The following CDH12 variants were observed in gnomAD, a reference collection of about 807,000 sequenced individuals.
CDH12 encodes the protein cadherin-12.
In CDH12, 41 loss-of-function variants were observed where a neutral mutation model predicts 74.1. That is an observed-to-expected ratio of 0.55 (90% CI 0.43 to 0.72). CDH12 has a LOEUF of 0.72. CDH12 is among the 30% of genes least tolerant of loss of function. The probability of loss-of-function intolerance (pLI) is 0.00; values close to 1 mark genes in which losing one functional copy is unlikely to be tolerated. For missense variants in CDH12, 945 were observed against 977.2 expected (o/e 0.97, Z 0.44); for synonymous variants, 399 against 355.0 (o/e 1.12, Z -1.39).
chr5:22,289,319 A>G lies in CDH12; in HGVS notation c.-332-76676T>C, dbSNP rs1265302108. Among the ~76,000 whole-genome samples, 5 of 152,214 alleles carry G rather than the reference A, an allele frequency of 3.3e-5. No homozygotes were observed. In the East Asian group the frequency reaches 9.6e-4, roughly 29 times the overall value. ...TAAAGAAATACTGCCAATCCTGGAA[A>G]TTCTCATCTACAAACTGGAAATTGA... is the stretch of plus-strand genomic sequence containing the variant. On this transcript the variant is annotated intron_variant, in intron 3 of 14. Transcript: ENST00000382254.
chr5:22,640,273 C>A (rs1175791129), intron 1 of CDH12, among the ~76,000 whole-genome samples: 1 of 152,060 alleles, frequency 6.6e-6, no homozygotes, highest in Non-Finnish European at 1.5e-5. Context: ...ATGGTGAGAA[C>A]CAATGTGATA....
chr5:22,532,905 C>G (rs1345564767), intron 1 of CDH12, among the ~76,000 whole-genome samples: 2 of 151,382 alleles, frequency 1.3e-5, no homozygotes, highest in Non-Finnish European at 2.9e-5. Context: ...TTATTCCACT[C>G]AATAATAAAA....
At chr5:22,698,122 C>CTT (rs10677695) in intron 1 of CDH12, among the ~76,000 whole-genome samples, 1,677 of 91,104 alleles carry the variant, frequency 0.018, 111 homozygotes, top group African/African-American at 0.059. Context: ...AAAGGCAGGG[C>CTT]TTTTTTTTTT....
At chr5:22,525,845 G>A (rs1490673348) in intron 1 of CDH12, among the ~76,000 whole-genome samples, 1 of 152,150 alleles carries the variant, frequency 6.6e-6, no homozygotes, top group Non-Finnish European at 1.5e-5. Flanking sequence ...AACTACCTAT[G>A]TCAAGAACAG....
At chr5:22,629,561 A>G (rs921223478) in intron 1 of CDH12, among the ~76,000 whole-genome samples, 1 of 152,072 alleles carries the variant, frequency 6.6e-6, no homozygotes, top group Admixed American at 6.6e-5. Context: ...GATTCGACAT[A>G]CCTTCATGTT....
intron 3 of CDH12, among the ~76,000 whole-genome samples, chr5:22,253,042 T>C (rs1174922584): frequency 6.6e-6 from 1 of 152,020 alleles, no homozygotes; most frequent in Non-Finnish European, 1.5e-5. Context: ...TCAATATTTA[T>C]GTCTAGCATC....
chr5:21,935,076 G>A (rs766511809), intron 6 of CDH12, among the ~76,000 whole-genome samples: 3 of 152,058 alleles, frequency 2.0e-5, no homozygotes, highest in Non-Finnish European at 4.4e-5. Context: ...GTGAGCCAAC[G>A]TGCCCGGCCC....
chr5:22,289,886 CCA>C (rs1169624044), intron 3 of CDH12, among the ~76,000 whole-genome samples: 1 of 152,126 alleles, frequency 6.6e-6, no homozygotes, highest in Non-Finnish European at 1.5e-5. Flanking sequence ...CCAGGCAAGA[CCA>C]CAGAGTCCCA....
In CDH12 at chr5:21,901,103, C is replaced by G. The variant is rs749797893; in HGVS notation, c.527-46313G>C. 1.3e-5 allele frequency among the ~76,000 whole-genome samples: 2 copies of G among 152,116 alleles called. 1 individual carries two copies. The highest frequency in any genetic ancestry group is 4.1e-4 in the South Asian group (2 of 4,826). On this transcript the variant is annotated intron_variant, in intron 6 of 14. Transcript: ENST00000382254. Reference sequence around the variant, plus strand: ...ATATTTCTTCAGGGTTTTCTCTAAACCCTTAGTGAAGTGATACATTTTATA... The same window carrying G: ...ATATTTCTTCAGGGTTTTCTCTAAAGCCTTAGTGAAGTGATACATTTTATA...
chr5:22,590,133 T>C (rs567378242), intron 1 of CDH12, among the ~76,000 whole-genome samples: 1 of 152,290 alleles, frequency 6.6e-6, no homozygotes, highest in African/African-American at 2.4e-5. Context: ...AGACCCCTTT[T>C]GGATAATGTA....
At chr5:22,424,653 T>C (rs991297327) in intron 2 of CDH12, among the ~76,000 whole-genome samples, 8 of 152,346 alleles carry the variant, frequency 5.3e-5, no homozygotes, top group African/African-American at 1.4e-4. Context: ...CTTCACGGAC[T>C]CTTCAGTGTT....
intron 1 of CDH12, among the ~76,000 whole-genome samples, chr5:22,531,194 T>G (rs1298446268): frequency 6.6e-6 from 1 of 152,168 alleles, no homozygotes; most frequent in Non-Finnish European, 1.5e-5. Flanking sequence ...ACAATTTAAT[T>G]ATCCTGTCTA....
At chr5:22,808,167 A>G (rs1748916268) in intron 1 of CDH12, among the ~76,000 whole-genome samples, 1 of 152,186 alleles carries the variant, frequency 6.6e-6, no homozygotes, top group Non-Finnish European at 1.5e-5. Context: ...GGTCTATATT[A>G]TGTGAGGAAT....
In CDH12 at chr5:22,505,384, C is replaced by G. The variant is rs1736340207; in HGVS notation, c.-522-20G>C. 1.3e-6 allele frequency: 1 copy of G among 784,318 alleles called. No individual in the cohort carries two copies. Among genetic ancestry groups the G allele is most frequent in the Non-Finnish European group, 1.5e-6 (1 of 646,450 alleles). 48.6% of individuals were successfully genotyped at this position (784,318 alleles called of 1,614,324 possible). ...ACAAAGCTGGAAAGACAAACATATACAGTCAGAATGTTAACTATCTTTTCT... is the reference window on the plus strand; with the variant it reads ...ACAAAGCTGGAAAGACAAACATATAGAGTCAGAATGTTAACTATCTTTTCT... On this transcript the variant is annotated intron_variant, in intron 1 of 14. Transcript: ENST00000382254.
chr5:22,282,201 T>C (rs895703280), intron 3 of CDH12, among the ~76,000 whole-genome samples: 2 of 152,078 alleles, frequency 1.3e-5, no homozygotes, highest in African/African-American at 4.8e-5. Context: ...TGCAGAAAAA[T>C]GAAACTGGAC....
At chr5:22,427,609 C>T (rs181306783) in intron 2 of CDH12, among the ~76,000 whole-genome samples, 1 of 152,284 alleles carries the variant, frequency 6.6e-6, no homozygotes, top group Admixed American at 6.5e-5. Context: ...CCAGTAGATA[C>T]ATTGACTTTT....
intron 1 of CDH12, among the ~76,000 whole-genome samples, chr5:22,578,352 G>C (rs1739899268): frequency 6.8e-6 from 1 of 148,006 alleles, no homozygotes; most frequent in African/African-American, 2.5e-5. Flanking sequence ...ACCATGATAT[G>C]AACTATTAAT....
intron 3 of CDH12, among the ~76,000 whole-genome samples, chr5:22,261,183 T>G (rs1385071602): frequency 1.3e-5 from 2 of 151,882 alleles, no homozygotes; most frequent in African/African-American, 2.4e-5. Context: ...TACAGAAATT[T>G]TTTTTTGCAA....
chr5:22,387,810 G>T (rs1742063478), intron 3 of CDH12, among the ~76,000 whole-genome samples: 1 of 152,062 alleles, frequency 6.6e-6, no homozygotes, highest in Non-Finnish European at 1.5e-5. Context: ...CCACTAAAGG[G>T]AAATTTTTAA....
Sources: allele counts gnomAD v4.1 joint callset (sites outside exome capture counted in the v4.1 genomes callset), GRCh38; gene constraint gnomAD v4.1.1; transcripts MANE v1.5; gene names NCBI Gene and HGNC (gene_info 2026-07-23, HGNC 2026-07-21).